The following UBE2R2 variants were observed in gnomAD, a reference collection of about 807,000 sequenced individuals.
UBE2R2 encodes the protein ubiquitin conjugating enzyme E2 R2, also known as ubiquitin-conjugating enzyme E2 R2.
Under a neutral mutation model 27.8 loss-of-function variants are expected in UBE2R2, and 1 was observed. The observed-to-expected ratio is 0.04, with a 90% CI of 0.01 to 0.17. UBE2R2 has a LOEUF of 0.17. Among genes scored for constraint, UBE2R2 ranks in the 10% least tolerant of loss-of-function variants. The pLI is 1.00. For missense variants in UBE2R2, 100 were observed against 291.0 expected (o/e 0.34, Z 4.78); for synonymous variants, 106 against 113.3 (o/e 0.94, Z 0.41).
intron 3 of UBE2R2, among the ~76,000 whole-genome samples, chr9:33,906,953 C>T (rs922494268): frequency 1.3e-5 from 2 of 152,138 alleles, no homozygotes; most frequent in Non-Finnish European, 2.9e-5. Flanking sequence ...ATCACTTGAG[C>T]CCAAGTGGTC....
In UBE2R2 at chr9:33,877,575, A is replaced by G. The variant is rs545194311; in HGVS notation, c.178-9306A>G. Among the ~76,000 whole-genome samples the G allele has an allele frequency of 2.0e-5, 3 of 152,328 alleles. No homozygotes were observed. In the East Asian group the frequency reaches 5.8e-4, roughly 29 times the overall value. On this transcript the variant is annotated intron_variant, in intron 1 of 4. Coordinates refer to ENST00000263228, the MANE Select transcript of UBE2R2 (RefSeq NM_017811.4). Reference sequence around the variant, plus strand: ...TAGAGAAAATACAGAAACCCCATTAATACTACTAACCAATATTTATTAAGA... The same window carrying G: ...TAGAGAAAATACAGAAACCCCATTAGTACTACTAACCAATATTTATTAAGA...
intron 1 of UBE2R2, among the ~76,000 whole-genome samples, chr9:33,841,043 A>T (rs1256039780): frequency 6.7e-6 from 1 of 148,634 alleles, no homozygotes; most frequent in African/African-American, 2.5e-5. Context: ...TCCTGCCTCA[A>T]CCTCTCGAGT....
In UBE2R2 at chr9:33,906,673, G is replaced by A. The variant is rs146963913; in HGVS notation, c.363-5291G>A. 3.9e-5 allele frequency among the ~76,000 whole-genome samples: 6 copies of A among 152,238 alleles called. No individual in the cohort carries two copies. In the East Asian group the frequency reaches 7.7e-4, roughly 20 times the overall value. On this transcript the variant is annotated intron_variant, in intron 3 of 4. Transcript: ENST00000263228. The stretch of plus-strand genomic sequence containing the variant: ...AGTAGCTAACAGAGAAAGGGTTATC[G>A]ACATGTTGAAAATGGGCAAATGGAG...
At position 33,917,366 on chromosome 9, in the gene UBE2R2, G is replaced by C. The variant is rs2130827422; in HGVS notation, c.*129G>C. On this transcript the variant is annotated 3_prime_UTR_variant, in exon 5 of 5. Transcript: ENST00000263228. The stretch of plus-strand genomic sequence containing the variant: ...GGGTGGGGAAACACACACAGCTCCT[G>C]CTGACTCCCCTTATGGATCTCAGTT... 7.1e-7 allele frequency: 1 copy of C among 1,407,176 alleles called. No homozygotes were observed. Among genetic ancestry groups the C allele is most frequent in the Non-Finnish European group, 9.6e-7 (1 of 1,041,848 alleles). The allele number at this position is 1,407,176 out of a possible 1,614,324, so 87.2% of individuals were successfully genotyped here.
chr9:33,912,185 G>T (rs1348000913), intron 4 of UBE2R2, 87 bp downstream of exon 4: 17 of 1,148,054 alleles, frequency 1.5e-5, no homozygotes, highest in Non-Finnish European at 2.1e-5. Context: ...TAAATATCCT[G>T]TCCATTCCAG....
At chr9:33,874,818 A>G (rs1396794467) in intron 1 of UBE2R2, among the ~76,000 whole-genome samples, 1 of 151,946 alleles carries the variant, frequency 6.6e-6, no homozygotes, top group Admixed American at 6.6e-5. Flanking sequence ...GCACACCACC[A>G]TGGCTAGCTA....
At chr9:33,857,213 C>CT (rs994470718) in intron 1 of UBE2R2, among the ~76,000 whole-genome samples, 258 of 146,154 alleles carry the variant, frequency 1.8e-3, no homozygotes, top group African/African-American at 2.8e-3. Flanking sequence ...AGTTTATATG[C>CT]TTTTTTTTTT....
At chr9:33,832,733 GT>G (rs988766985) in intron 1 of UBE2R2, among the ~76,000 whole-genome samples, 1 of 151,186 alleles carries the variant, frequency 6.6e-6, no homozygotes, top group African/African-American at 2.4e-5. Context: ...TTTTTTCAAG[GT>G]TTTTTTTAAT....
intron 1 of UBE2R2, among the ~76,000 whole-genome samples, chr9:33,861,108 G>A (rs1411067709): frequency 8.6e-5 from 13 of 151,258 alleles, no homozygotes; most frequent in Admixed American, 3.9e-4. Context: ...ACAGGCGCCC[G>A]CCACCACGCC....
At chr9:33,863,933 G>C (rs1291045735) in intron 1 of UBE2R2, among the ~76,000 whole-genome samples, 1 of 152,110 alleles carries the variant, frequency 6.6e-6, no homozygotes, top group Non-Finnish European at 1.5e-5. Context: ...CTATTCTCAT[G>C]CCTCAGCCTG....
chr9:33,822,497 G>A (rs10971714), intron 1 of UBE2R2, among the ~76,000 whole-genome samples: 11,860 of 150,412 alleles, frequency 0.079, 671 homozygotes, highest in Non-Finnish European at 0.12. Flanking sequence ...TGTGATCATA[G>A]CTCACTGCAG....
chr9:33,864,251 G>A (rs1470494586), intron 1 of UBE2R2, among the ~76,000 whole-genome samples: 6 of 152,154 alleles, frequency 3.9e-5, no homozygotes, highest in Non-Finnish European at 7.4e-5. Flanking sequence ...GTCTTTCCTT[G>A]TGGTGGAAAG....
At chr9:33,903,189 T>C (rs1473115850) in intron 3 of UBE2R2, among the ~76,000 whole-genome samples, 2 of 152,198 alleles carry the variant, frequency 1.3e-5, no homozygotes, top group African/African-American at 4.8e-5. Flanking sequence ...TTGTAGCACA[T>C]TATTTTGACA....
chr9:33,911,102 A>T (rs1335916172), intron 3 of UBE2R2, among the ~76,000 whole-genome samples: 2 of 151,512 alleles, frequency 1.3e-5, no homozygotes, highest in Admixed American at 6.6e-5. Flanking sequence ...AGACCCTGTC[A>T]AAAAACAAAA....
chr9:33,888,729 G>A (rs1821917923), intron 2 of UBE2R2, among the ~76,000 whole-genome samples: 1 of 152,146 alleles, frequency 6.6e-6, no homozygotes, highest in South Asian at 2.1e-4. Flanking sequence ...GTCGGCCAGA[G>A]TGGCCTCGAA....
At chr9:33,853,021 A>C (rs1821002037) in intron 1 of UBE2R2, among the ~76,000 whole-genome samples, 1 of 144,104 alleles carries the variant, frequency 6.9e-6, no homozygotes. Flanking sequence ...TAAATAAATG[A>C]AAATTGTAAT....
chr9:33,911,057 T>C (rs10122038), intron 3 of UBE2R2, among the ~76,000 whole-genome samples: 40,334 of 151,762 alleles, frequency 0.27, 5,538 homozygotes, highest in South Asian at 0.41. Flanking sequence ...TGAGCTGAGA[T>C]GGCACCACTG....
At chr9:33,905,184 A>G (rs944446763) in intron 3 of UBE2R2, among the ~76,000 whole-genome samples, 2 of 152,200 alleles carry the variant, frequency 1.3e-5, no homozygotes, top group Admixed American at 6.5e-5. Context: ...TTTCTTTTTC[A>G]ATTTCAAAAA....
intron 1 of UBE2R2, among the ~76,000 whole-genome samples, chr9:33,851,415 G>A (rs1216499033): frequency 6.6e-6 from 1 of 152,158 alleles, no homozygotes; most frequent in Non-Finnish European, 1.5e-5. Context: ...GAAGGATCTG[G>A]TTCAGAGCCA....
Sources: gnomAD v4.1 joint callset for allele counts (sites outside exome capture counted in the v4.1 genomes callset) on GRCh38, gnomAD v4.1.1 for gene constraint, MANE v1.5 for transcripts, NCBI Gene and HGNC (gene_info 2026-07-23, HGNC 2026-07-21) for gene names.